DOCK3: variants seen among roughly 807,000 people sequenced by gnomAD.
DOCK3 encodes dedicator of cytokinesis 3, also known as dedicator of cytokinesis protein 3.
DOCK3 carries 60 observed loss-of-function variants against 265.6 expected under a neutral mutation model. That is an observed-to-expected ratio of 0.23 (90% confidence interval 0.18 to 0.28). DOCK3 has a LOEUF of 0.28. Among genes scored for constraint, DOCK3 ranks in the 10% least tolerant of loss-of-function variants. The probability of loss-of-function intolerance (pLI) is 1.00; values close to 1 mark genes in which losing one functional copy is unlikely to be tolerated. For missense variants in DOCK3, 1,981 were observed against 2,594.3 expected, an observed-to-expected ratio of 0.76 and a Z score of 5.14; for synonymous variants, 881 against 938.0, an observed-to-expected ratio of 0.94 and a Z score of 1.11.
chr3:50,743,324 A>C (rs1463183724), intron 1 of DOCK3, among the ~76,000 whole-genome samples: 2 of 152,174 alleles, frequency 1.3e-5, no homozygotes, highest in Admixed American at 1.3e-4. Context: ...TCATTACAGG[A>C]TCAAATTCAC....
At chr3:51,250,255 C>A (rs2079131272) in intron 22 of DOCK3, among the ~76,000 whole-genome samples, 1 of 136,932 alleles carries the variant, frequency 7.3e-6, no homozygotes, top group Non-Finnish European at 1.5e-5. Context: ...TGAGAAACAC[C>A]CAAGAATGAT....
At chr3:51,144,550 G>T (rs771132406) in intron 9 of DOCK3, among the ~76,000 whole-genome samples, 1 of 152,008 alleles carries the variant, frequency 6.6e-6, no homozygotes, top group African/African-American at 2.4e-5. Flanking sequence ...AGATGTCATT[G>T]TCCCTCAGCA....
chr3:50,947,943 C>T (rs1286949373), intron 5 of DOCK3, among the ~76,000 whole-genome samples: 1 of 149,160 alleles, frequency 6.7e-6, no homozygotes, highest in African/African-American at 2.5e-5. Flanking sequence ...GCAAGCTCCA[C>T]CTCCCAGGTT....
chr3:50,831,217 ATTTATTTATTTT>A (rs2045138296), intron 2 of DOCK3, among the ~76,000 whole-genome samples: 1 of 55,198 alleles, frequency 1.8e-5, no homozygotes, highest in African/African-American at 5.0e-5. Flanking sequence ...TTATTTATTT[ATTTATTTATTTT>A]TAATTTTTTT....
intron 5 of DOCK3, among the ~76,000 whole-genome samples, chr3:50,941,706 T>G (rs2076300853): frequency 6.6e-6 from 1 of 152,100 alleles, no homozygotes. Context: ...TGTGGACTAC[T>G]ACTCAGAAAC....
At chr3:51,194,980 A>G (rs993483782) in intron 12 of DOCK3, among the ~76,000 whole-genome samples, 5 of 151,870 alleles carry the variant, frequency 3.3e-5, no homozygotes, top group African/African-American at 1.2e-4. Flanking sequence ...ATGTGCCACC[A>G]CACCCAGCTA....
Position 51,367,573 on chromosome 3 carries a change from T to G in DOCK3, c.5293+4899T>G, listed in dbSNP as rs190248522. 2.0e-4 allele frequency among the ~76,000 whole-genome samples: 31 copies of G among 152,358 alleles called. No individual in the cohort carries two copies. In the East Asian group the frequency reaches 5.0e-3, roughly 25 times the overall value. On this transcript the variant is annotated intron_variant, in intron 49 of 52. Transcript: ENST00000266037. ...TATTTTGCTCGTTAGTTGATGCAGT[T>G]TCTTTGTAGCGTTGATGGTGTTTAC...
At chr3:50,937,249 C>T (rs1359681135) in intron 5 of DOCK3, among the ~76,000 whole-genome samples, 1 of 144,428 alleles carries the variant, frequency 6.9e-6, no homozygotes, top group Non-Finnish European at 1.5e-5. Flanking sequence ...TGCACTCCAG[C>T]CTGGGCGATG....
chr3:50,890,740 G>A (rs184650221), intron 4 of DOCK3, among the ~76,000 whole-genome samples: 147 of 152,102 alleles, frequency 9.7e-4, no homozygotes, highest in Non-Finnish European at 1.7e-3. Context: ...TCCTAAAGTA[G>A]AAATACTATT....
chr3:50,697,957 A>G (rs1966921), intron 1 of DOCK3, among the ~76,000 whole-genome samples: 119,015 of 152,032 alleles, frequency 0.78, 47,644 homozygotes, highest in Middle Eastern at 0.89. Flanking sequence ...GTTTTCTTCC[A>G]TGATGTTTAT....
At chr3:51,261,473 G>A (rs2079844055) in intron 23 of DOCK3, among the ~76,000 whole-genome samples, 1 of 152,172 alleles carries the variant, frequency 6.6e-6, no homozygotes, top group Non-Finnish European at 1.5e-5. Context: ...GTTTCAAACA[G>A]AAAACTGGGC....
intron 4 of DOCK3, among the ~76,000 whole-genome samples, chr3:50,928,266 CCAAAAGAAT>C (rs2050875533): frequency 6.6e-6 from 1 of 151,848 alleles, no homozygotes; most frequent in South Asian, 2.1e-4. Context: ...TTCATTATCG[CCAAAAGAAT>C]CTTTGTCCCT....
chr3:50,997,339 A>G (rs1466419013), intron 5 of DOCK3, among the ~76,000 whole-genome samples: 1 of 152,192 alleles, frequency 6.6e-6, no homozygotes, highest in Non-Finnish European at 1.5e-5. Flanking sequence ...ATATGTGAGG[A>G]AAAATGTTGG....
chr3:51,091,751 C>CT (rs1373629147), intron 9 of DOCK3, among the ~76,000 whole-genome samples: 2 of 151,382 alleles, frequency 1.3e-5, no homozygotes, highest in African/African-American at 4.9e-5. Context: ...TGGTCTGCAG[C>CT]TCCCAGCAAG....
At chr3:51,140,831 G>A (rs2085022752) in intron 9 of DOCK3, among the ~76,000 whole-genome samples, 2 of 152,124 alleles carry the variant, frequency 1.3e-5, no homozygotes, top group South Asian at 4.2e-4. Flanking sequence ...CTTTTGATTT[G>A]CAATTCCCTG....
At chr3:51,290,267 A>G (rs925646290) in intron 27 of DOCK3, among the ~76,000 whole-genome samples, 4 of 152,206 alleles carry the variant, frequency 2.6e-5, no homozygotes, top group African/African-American at 9.6e-5. Context: ...TCACAATAGC[A>G]AAGACTTGGA....
chr3:50,737,540 C>T (rs2038719350), intron 1 of DOCK3, among the ~76,000 whole-genome samples: 1 of 152,108 alleles, frequency 6.6e-6, no homozygotes, highest in African/African-American at 2.4e-5. Flanking sequence ...TCATATCACC[C>T]ATATATATGA....
chr3:50,684,761 A>G (rs1055627056), intron 1 of DOCK3, among the ~76,000 whole-genome samples: 3 of 152,234 alleles, frequency 2.0e-5, no homozygotes, highest in Admixed American at 6.5e-5. Context: ...CTTTAAGAGC[A>G]CCAAGAAGAG....
intron 5 of DOCK3, among the ~76,000 whole-genome samples, chr3:51,013,920 G>C (rs954195195): frequency 6.6e-6 from 1 of 152,168 alleles, no homozygotes; most frequent in East Asian, 1.9e-4. Flanking sequence ...CTAGCAGTTC[G>C]ATCTGGGATT....
Sources: allele counts gnomAD v4.1 joint callset (sites outside exome capture counted in the v4.1 genomes callset), GRCh38; gene constraint gnomAD v4.1.1; transcripts MANE v1.5; gene names NCBI Gene and HGNC (gene_info 2026-07-23, HGNC 2026-07-21).